The following TEC variants were observed in gnomAD, a reference collection of about 807,000 sequenced individuals.
The protein encoded by TEC is tec protein tyrosine kinase, also known as tyrosine-protein kinase Tec.
Under a neutral mutation model 93.0 loss-of-function variants are expected in TEC, and 72 were observed. The observed-to-expected ratio is 0.77, with a 90% CI of 0.64 to 0.94. TEC has a LOEUF of 0.94. TEC is among the 40% of genes least tolerant of loss of function. The probability of loss-of-function intolerance (pLI) is 0.00; values close to 1 mark genes in which losing one functional copy is unlikely to be tolerated. For missense variants in TEC, 630 were observed against 757.9 expected, an observed-to-expected ratio of 0.83 and a Z score of 1.98; for synonymous variants, 249 against 247.7, an observed-to-expected ratio of 1.01 and a Z score of -0.05.
At chr4:48,252,969 A>C (rs576252984) in intron 1 of TEC, among the ~76,000 whole-genome samples, 6 of 152,288 alleles carry the variant, frequency 3.9e-5, no homozygotes, top group African/African-American at 1.4e-4. Context: ...AACAACATCA[A>C]ATTGGTTCCT....
chr4:48,244,274 G>A (rs1208574368), intron 1 of TEC, among the ~76,000 whole-genome samples: 3 of 152,086 alleles, frequency 2.0e-5, no homozygotes, highest in Non-Finnish European at 4.4e-5. Context: ...AGACATACTC[G>A]AGACTGGGCA....
chr4:48,179,338 GTATA>G (rs61241595), intron 2 of TEC, among the ~76,000 whole-genome samples: 2,160 of 51,442 alleles, frequency 0.042, 85 homozygotes, highest in Middle Eastern at 0.087. Context: ...GACGTGGGTA[GTATA>G]TATATATATA....
At chr4:48,237,737 T>G (rs1383499449) in intron 1 of TEC, among the ~76,000 whole-genome samples, 1 of 152,244 alleles carries the variant, frequency 6.6e-6, no homozygotes, top group Non-Finnish European at 1.5e-5. Flanking sequence ...CTCATATTAT[T>G]AAAACTTAGT....
intron 1 of TEC, among the ~76,000 whole-genome samples, chr4:48,248,972 T>C (rs1222633983): frequency 1.3e-5 from 2 of 151,946 alleles, no homozygotes; most frequent in Non-Finnish European, 2.9e-5. Context: ...TTTTGTGTAA[T>C]CGTGTGTCAA....
chr4:48,255,454 T>C (rs1724317923), intron 1 of TEC, among the ~76,000 whole-genome samples: 1 of 152,158 alleles, frequency 6.6e-6, no homozygotes, highest in Admixed American at 6.5e-5. Flanking sequence ...CCCTGGGTAG[T>C]GTCAACTCCA....
intron 1 of TEC, among the ~76,000 whole-genome samples, chr4:48,233,358 T>G (rs1328741176): frequency 2.0e-5 from 3 of 151,618 alleles, no homozygotes; most frequent in Non-Finnish European, 4.4e-5. Context: ...TTTTTTTTTT[T>G]TTAAAGACAA....
chr4:48,137,240 G>T lies in TEC; in HGVS notation c.*176C>A. On this transcript the variant is annotated 3_prime_UTR_variant, in exon 18 of 18. Transcript: ENST00000381501. ...TCTAAGGCAACATTTCCACACTCTGGGAGATTCTGTCTAGAAGCAAGTCTA... is the reference window on the plus strand; with the variant it reads ...TCTAAGGCAACATTTCCACACTCTGTGAGATTCTGTCTAGAAGCAAGTCTA... 1.7e-6 allele frequency: 1 copy of T among 590,646 alleles called. No homozygotes were observed. Among genetic ancestry groups the T allele is most frequent in the Non-Finnish European group, 3.0e-6 (1 of 332,006 alleles). 36.6% of individuals were successfully genotyped at this position (590,646 alleles called of 1,614,324 possible). A position where few individuals can be genotyped will look rare whatever the true frequency, so the allele number is the denominator to read the frequency against.
intron 1 of TEC, 107 bp from the exon 2 acceptor site, chr4:48,228,766 T>A: frequency 1.1e-6 from 1 of 936,120 alleles, no homozygotes; most frequent in East Asian, 2.7e-5. Flanking sequence ...CTGGAGCAGA[T>A]GAGTATTGAT....
intron 11 of TEC, among the ~76,000 whole-genome samples, chr4:48,146,825 T>C (rs1719936421): frequency 6.6e-6 from 1 of 152,176 alleles, no homozygotes. Flanking sequence ...GAAATCAGTG[T>C]GGATCTTTTA....
At chr4:48,189,199 C>T (rs1229871395) in intron 2 of TEC, among the ~76,000 whole-genome samples, 2 of 152,170 alleles carry the variant, frequency 1.3e-5, no homozygotes, top group East Asian at 3.8e-4. Context: ...GTTTGGGCAA[C>T]ACTGGCTGAA....
intron 1 of TEC, among the ~76,000 whole-genome samples, chr4:48,263,622 G>A (rs748371379): frequency 6.6e-6 from 1 of 152,106 alleles, no homozygotes; most frequent in Non-Finnish European, 1.5e-5. Flanking sequence ...GCTGACGCAG[G>A]AGAATCACTT....
chr4:48,186,381 T>C (rs1482929758), intron 2 of TEC, among the ~76,000 whole-genome samples: 3 of 148,940 alleles, frequency 2.0e-5, no homozygotes, highest in Non-Finnish European at 3.0e-5. Flanking sequence ...GGAGCGCCTC[T>C]TCCCGGCCGC....
At chr4:48,222,048 A>T (rs1723281780) in intron 2 of TEC, among the ~76,000 whole-genome samples, 1 of 152,196 alleles carries the variant, frequency 6.6e-6, no homozygotes, top group Non-Finnish European at 1.5e-5. Context: ...GGAGGGAGAC[A>T]GAAAAGGCTT....
chr4:48,137,545 C>T, intron 17 of TEC, 46 bp from the exon 18 acceptor site: 1 of 1,533,084 alleles, frequency 6.5e-7, no homozygotes, highest in Non-Finnish European at 9.0e-7. Flanking sequence ...AGAATCCATT[C>T]CACAAAACCT....
chr4:48,169,127 C>A (rs1174992881), intron 5 of TEC, among the ~76,000 whole-genome samples: 2 of 152,058 alleles, frequency 1.3e-5, no homozygotes, highest in East Asian at 3.9e-4. Context: ...GATCTCATCC[C>A]TAAAAGGATT....
At chr4:48,254,420 G>C (rs1724286867) in intron 1 of TEC, among the ~76,000 whole-genome samples, 1 of 152,244 alleles carries the variant, frequency 6.6e-6, no homozygotes, top group Non-Finnish European at 1.5e-5. Context: ...CTGTTACTCT[G>C]TGAGGAGGCT....
Position 48,139,084 on chromosome 4 carries a change from C to T in TEC, c.1536-62G>A, listed in dbSNP as rs77876977. The T allele has an allele frequency of 1.7e-3, 2,409 of 1,423,328 alleles. 19 individuals are homozygous for T. In the African/African-American group the frequency reaches 0.02, roughly 12 times the overall value. 88.2% of individuals were successfully genotyped at this position (1,423,328 alleles called of 1,614,324 possible). A position where few individuals can be genotyped will look rare whatever the true frequency, so the allele number is the denominator to read the frequency against. ...GAACAATCTGTTTTTTCTACTTGCT[C>T]TTTCATTTTTTTCCCCTTGCAATCA... On this transcript the variant is annotated intron_variant, in intron 15 of 17. Coordinates refer to ENST00000381501, the MANE Select transcript of TEC (RefSeq NM_003215.3).
intron 2 of TEC, among the ~76,000 whole-genome samples, chr4:48,183,852 A>G (rs748807199): frequency 1.3e-5 from 2 of 152,118 alleles, no homozygotes; most frequent in Non-Finnish European, 2.9e-5. Context: ...CACTCCCCAA[A>G]TAGTAGCATA....
chr4:48,238,878 C>T (rs1237757802), intron 1 of TEC, among the ~76,000 whole-genome samples: 1 of 151,980 alleles, frequency 6.6e-6, no homozygotes, highest in Non-Finnish European at 1.5e-5. Flanking sequence ...TTCCAGCCTC[C>T]GACTGGCAGA....
Sources: allele counts gnomAD v4.1 joint callset (sites outside exome capture counted in the v4.1 genomes callset), GRCh38; gene constraint gnomAD v4.1.1; transcripts MANE v1.5; gene names NCBI Gene and HGNC (gene_info 2026-07-23, HGNC 2026-07-21).